Variants in ZNF516 observed in about 807,000 individuals in gnomAD.
The protein encoded by ZNF516 is zinc finger protein 516.
In ZNF516, 19 loss-of-function variants were observed where a neutral mutation model predicts 79.7. The observed-to-expected ratio is 0.24, with a 90% CI of 0.17 to 0.35. ZNF516 has a LOEUF of 0.35. Among genes scored for constraint, ZNF516 ranks in the 10% least tolerant of loss-of-function variants. ZNF516 has a pLI of 1.00. For missense variants in ZNF516, 1,678 were observed against 1,679.5 expected (o/e 1.00, Z 0.02); for synonymous variants, 877 against 739.5 (o/e 1.19, Z -3.02).
chr18:76,473,607 C>T (rs961895212), intron 1 of ZNF516, among the ~76,000 whole-genome samples: 2 of 152,068 alleles, frequency 1.3e-5, no homozygotes, highest in Non-Finnish European at 2.9e-5. Context: ...GGAGACCATC[C>T]TAGCTAACAC....
At chr18:76,443,934 A>G (rs1283567599) in intron 2 of ZNF516, among the ~76,000 whole-genome samples, 1 of 152,008 alleles carries the variant, frequency 6.6e-6, no homozygotes, top group African/African-American at 2.4e-5. Flanking sequence ...TGCCCATCCC[A>G]CCCACCAGAG....
intron 3 of ZNF516, among the ~76,000 whole-genome samples, chr18:76,408,336 T>G (rs1041426884): frequency 1.3e-5 from 2 of 152,186 alleles, no homozygotes; most frequent in African/African-American, 2.4e-5. Context: ...CAGGCTGGTG[T>G]GGACAGCAAG....
intron 2 of ZNF516, among the ~76,000 whole-genome samples, chr18:76,452,602 C>A (rs1278430814): frequency 6.6e-6 from 1 of 152,180 alleles, no homozygotes; most frequent in Non-Finnish European, 1.5e-5. Context: ...TTACCACAAA[C>A]TGTCAAAAAA....
chr18:76,429,183 A>T (rs1417980924), intron 3 of ZNF516, among the ~76,000 whole-genome samples: 1 of 152,232 alleles, frequency 6.6e-6, no homozygotes, highest in African/African-American at 2.4e-5. Context: ...ACAGGGCATC[A>T]GAAAGAGCTG....
chr18:76,493,154 G>C lies in ZNF516; in HGVS notation c.-272+1990C>G, dbSNP rs1915335511. The stretch of plus-strand genomic sequence containing the variant: ...TTCATTTAATGGTAAAACAACAGCA[G>C]AGCTCTGAAAGTTAGCCATCTGCGC... On this transcript the variant is annotated intron_variant, in intron 1 of 6. Transcript: ENST00000443185. The surrounding 1 kb of genome is among the most constrained non-coding windows in gnomAD (Gnocchi z 5.2). 2.0e-6 allele frequency: 2 copies of C among 985,072 alleles called. No homozygotes were observed. Among genetic ancestry groups the C allele is most frequent in the African/African-American group, 1.7e-5 (1 of 57,160 alleles). The allele number at this position is 985,072 out of a possible 1,614,324, so 61.0% of individuals were successfully genotyped here.
At chr18:76,405,928 C>A (rs2075298687) in intron 3 of ZNF516, among the ~76,000 whole-genome samples, 1 of 152,114 alleles carries the variant, frequency 6.6e-6, no homozygotes, top group Admixed American at 6.5e-5. Flanking sequence ...CCTTGCATGG[C>A]GGCTTCTGCA....
chr18:76,429,533 G>A (rs1029554703), intron 3 of ZNF516, among the ~76,000 whole-genome samples: 28 of 152,078 alleles, frequency 1.8e-4, no homozygotes, highest in African/African-American at 6.0e-4. Context: ...GAAGGAAGAC[G>A]ATGACCAAGG....
At chr18:76,473,916 G>GT (rs1568322784) in intron 1 of ZNF516, among the ~76,000 whole-genome samples, 1 of 128,272 alleles carries the variant, frequency 7.8e-6, no homozygotes, top group African/African-American at 2.7e-5. Flanking sequence ...GGGGGGGGGG[G>GT]GCTTTCTTTT....
intron 1 of ZNF516, among the ~76,000 whole-genome samples, chr18:76,484,378 T>C (rs751371463): frequency 6.6e-6 from 1 of 152,082 alleles, no homozygotes; most frequent in Non-Finnish European, 1.5e-5. Context: ...ATACAAATAA[T>C]GTAAGTTTAC....
chr18:76,378,690 T>C (rs1261899544), intron 4 of ZNF516, among the ~76,000 whole-genome samples, 165 bp downstream of exon 4: 3 of 152,194 alleles, frequency 2.0e-5, no homozygotes, highest in Non-Finnish European at 4.4e-5. Context: ...TCTGCTGTGC[T>C]CCTCGGCCAG....
rs536456430 is a variant in ZNF516, at chr18:76,390,687, G to A, written c.1811-10384C>T. ...CAGGCAGGAGGCCCATGTGGACGTC[G>A]GTCATTATCCTTTGGAGAGGAGAAG... On this transcript the variant is annotated intron_variant, in intron 3 of 6. Transcript: ENST00000443185. 3.3e-5 allele frequency among the ~76,000 whole-genome samples: 5 copies of A among 152,286 alleles called. No homozygotes were observed. The East Asian group carries it at 5.8e-4, about 18-fold the overall frequency.
intron 1 of ZNF516, among the ~76,000 whole-genome samples, chr18:76,487,748 C>T: frequency 7.2e-6 from 1 of 139,718 alleles, no homozygotes; most frequent in African/African-American, 2.5e-5. Context: ...AAGAGAATGT[C>T]CTGCCCCACT....
chr18:76,480,494 T>TACACACACAC (rs910430019), intron 1 of ZNF516, among the ~76,000 whole-genome samples: 3 of 131,096 alleles, frequency 2.3e-5, no homozygotes, highest in African/African-American at 6.2e-5. Context: ...CATATACACA[T>TACACACACAC]ACACACACAC....
Position 76,379,324 on chromosome 18 carries a change from G to C in ZNF516, c.2790C>G (p.Thr930=). 1 of 1,598,990 alleles carries C rather than the reference G, an allele frequency of 6.3e-7. No homozygotes were observed. The highest frequency in any genetic ancestry group is 1.3e-5 in the African/African-American group (1 of 74,504). Residue 930 remains threonine (T), a synonymous_variant, in exon 4 of 7, where the codon ACC becomes ACG. Transcript: ENST00000443185. ...PGGGGFSRSA[T]PTPTVIARAG... is the part of the protein sequence containing the mutation. ...CCCGGGCGATGACGGTGGGCGTAGG[G>C]GTGGCGCTCCTGCTGAAGCCCCCGC...
intron 3 of ZNF516, among the ~76,000 whole-genome samples, chr18:76,404,520 CAAGT>C (rs1012402536): frequency 2.1e-4 from 32 of 151,440 alleles, no homozygotes; most frequent in Non-Finnish European, 4.1e-4. Context: ...TGTGACTGCA[CAAGT>C]AATGTGTGTG....
intron 3 of ZNF516, among the ~76,000 whole-genome samples, chr18:76,438,648 T>C (rs1177533448): frequency 6.6e-6 from 1 of 152,152 alleles, no homozygotes; most frequent in Non-Finnish European, 1.5e-5. Flanking sequence ...TCCAGAGGAA[T>C]AGATGGCAAC....
chr18:76,391,378 C>T (rs1027903794), intron 3 of ZNF516, among the ~76,000 whole-genome samples: 4 of 152,104 alleles, frequency 2.6e-5, no homozygotes, highest in African/African-American at 9.7e-5. Flanking sequence ...CAACCCTAAC[C>T]GTGAACCAAC....
intron 1 of ZNF516, among the ~76,000 whole-genome samples, chr18:76,470,780 C>A (rs1456813935): frequency 6.6e-6 from 1 of 152,116 alleles, no homozygotes; most frequent in Non-Finnish European, 1.5e-5. Context: ...TTTGGGAGGT[C>A]GAGGCGGGCG....
At chr18:76,398,282 C>G (rs1253206647) in intron 3 of ZNF516, among the ~76,000 whole-genome samples, 1 of 152,244 alleles carries the variant, frequency 6.6e-6, no homozygotes, top group African/African-American at 2.4e-5. Flanking sequence ...AACACATCCA[C>G]TGGAGAAAAT....
Sources: gnomAD v4.1 joint callset for allele counts (sites outside exome capture counted in the v4.1 genomes callset) on GRCh38, gnomAD v4.1.1 for gene constraint, Gnocchi (gnomAD v3.1) non-coding constraint, MANE v1.5 for transcripts, NCBI Gene and HGNC (gene_info 2026-07-23, HGNC 2026-07-21) for gene names.